The following TACR1 variants were observed in gnomAD, a reference collection of about 807,000 sequenced individuals.
TACR1 encodes tachykinin receptor 1.
TACR1 carries 25 observed loss-of-function variants against 35.8 expected under a neutral mutation model. The observed-to-expected ratio is 0.70, with a 90% CI of 0.51 to 0.98. The LOEUF (loss-of-function observed/expected upper bound fraction) is 0.98. TACR1 is among the 50% of genes least tolerant of loss of function. The probability of loss-of-function intolerance (pLI) is 0.00; values close to 1 mark genes in which losing one functional copy is unlikely to be tolerated. For missense variants in TACR1, 478 were observed against 522.9 expected (o/e 0.91, Z 0.84); for synonymous variants, 195 against 206.7 (o/e 0.94, Z 0.48).
chr2:75,111,876 G>A (rs1460517193), intron 2 of TACR1, among the ~76,000 whole-genome samples: 2 of 151,582 alleles, frequency 1.3e-5, no homozygotes, highest in East Asian at 3.9e-4. Flanking sequence ...GAGAGAGAGA[G>A]AAACCTTTTC....
At chr2:75,056,279 C>A (rs563175360) in intron 2 of TACR1, among the ~76,000 whole-genome samples, 1 of 152,314 alleles carries the variant, frequency 6.6e-6, no homozygotes, top group South Asian at 2.1e-4. Flanking sequence ...AAACAAACAA[C>A]TTTCCACTTG....
intron 1 of TACR1, chr2:75,188,413 C>T (rs1197730275): frequency 2.0e-5 from 3 of 152,188 alleles, no homozygotes; most frequent in African/African-American, 4.8e-5. Context: ...CAATTATATT[C>T]TATGATAGAG....
intron 1 of TACR1, among the ~76,000 whole-genome samples, chr2:75,123,393 G>A (rs1040146834): frequency 2.0e-5 from 3 of 152,138 alleles, no homozygotes; most frequent in Non-Finnish European, 4.4e-5. Context: ...CCCCATGCTC[G>A]AATTGGCGAT....
chr2:75,083,430 A>C (rs1673130920), intron 2 of TACR1, among the ~76,000 whole-genome samples: 2 of 152,170 alleles, frequency 1.3e-5, no homozygotes, highest in Non-Finnish European at 2.9e-5. Context: ...GTTCCATATG[A>C]ACTTTAGAGT....
At chr2:75,082,421 T>A (rs10202337) in intron 2 of TACR1, among the ~76,000 whole-genome samples, 1 of 152,316 alleles carries the variant, frequency 6.6e-6, no homozygotes, top group Middle Eastern at 3.4e-3. Flanking sequence ...ATGATTTATA[T>A]TCCTTTGGGT....
chr2:75,139,309 A>C (rs899226837), intron 1 of TACR1, among the ~76,000 whole-genome samples: 5 of 152,210 alleles, frequency 3.3e-5, no homozygotes, highest in Admixed American at 6.5e-5. Context: ...CTCAGGTCAC[A>C]CTGCTAGCAA....
At chr2:75,164,147 G>A (rs1248137359) in intron 1 of TACR1, among the ~76,000 whole-genome samples, 5 of 151,874 alleles carry the variant, frequency 3.3e-5, no homozygotes, top group African/African-American at 1.2e-4. Flanking sequence ...CTAACATGGT[G>A]AAACCCCGTC....
intron 1 of TACR1, among the ~76,000 whole-genome samples, chr2:75,179,985 T>C (rs1219348728): frequency 6.6e-6 from 1 of 152,188 alleles, no homozygotes; most frequent in Non-Finnish European, 1.5e-5. Context: ...CTACCCTGAC[T>C]CACTCCAATC....
Position 75,105,898 on chromosome 2 carries a change from C to CT in TACR1, c.584+14675dup, listed in dbSNP as rs1199975366. Among the ~76,000 whole-genome samples the CT allele has an allele frequency of 2.0e-5, 3 of 151,924 alleles. No individual in the cohort carries two copies. In the East Asian group the frequency reaches 5.8e-4, roughly 29 times the overall value. On this transcript the variant is annotated intron_variant, in intron 2 of 4. Transcript: ENST00000305249. ...TCACAAACAAGGGAAGTCTGAGAAA[C>CT]TGTCACAACCAAGAGGAGCCTAAAG...
chr2:75,174,206 T>G (rs995688901), intron 1 of TACR1, among the ~76,000 whole-genome samples: 1 of 152,214 alleles, frequency 6.6e-6, no homozygotes, highest in African/African-American at 2.4e-5. Context: ...TGAAGACTAT[T>G]CTGTATTGTT....
chr2:75,087,729 A>G (rs1174636675), intron 2 of TACR1, among the ~76,000 whole-genome samples: 1 of 152,176 alleles, frequency 6.6e-6, no homozygotes, highest in Non-Finnish European at 1.5e-5. Context: ...TGCCTTCTTA[A>G]TCACTTTTCC....
intron 2 of TACR1, among the ~76,000 whole-genome samples, chr2:75,116,203 C>T (rs1339199498): frequency 6.6e-6 from 1 of 152,136 alleles, no homozygotes; most frequent in Non-Finnish European, 1.5e-5. Context: ...CTCCCAGGCT[C>T]AAGTGATCCT....
intron 1 of TACR1, among the ~76,000 whole-genome samples, chr2:75,149,832 A>C (rs964543335): frequency 1.3e-5 from 2 of 152,118 alleles, no homozygotes; most frequent in Admixed American, 1.3e-4. Flanking sequence ...TTCAAAGGGA[A>C]TGTTTCCAGT....
intron 1 of TACR1, among the ~76,000 whole-genome samples, chr2:75,168,026 C>G (rs1446440436): frequency 6.6e-6 from 1 of 152,064 alleles, no homozygotes; most frequent in Non-Finnish European, 1.5e-5. Context: ...AGTAAATTCA[C>G]CAACATGTCA....
intron 2 of TACR1, among the ~76,000 whole-genome samples, chr2:75,083,588 C>T (rs1031740598): frequency 1.3e-5 from 2 of 152,048 alleles, no homozygotes; most frequent in Non-Finnish European, 2.9e-5. Flanking sequence ...TGTTTGTATC[C>T]TCTTTTATTT....
chr2:75,134,049 AG>A (rs1483924878), intron 1 of TACR1, among the ~76,000 whole-genome samples: 1 of 152,190 alleles, frequency 6.6e-6, no homozygotes, highest in East Asian at 1.9e-4. Flanking sequence ...TGGCAACATC[AG>A]GAAGTTACCC....
intron 2 of TACR1, among the ~76,000 whole-genome samples, chr2:75,081,406 T>C (rs1449153467): frequency 6.6e-6 from 1 of 152,184 alleles, no homozygotes; most frequent in Non-Finnish European, 1.5e-5. Flanking sequence ...CTCATTATGC[T>C]GTTAGACAGG....
At chr2:75,082,073 C>A (rs909341850) in intron 2 of TACR1, among the ~76,000 whole-genome samples, 2 of 151,980 alleles carry the variant, frequency 1.3e-5, no homozygotes, top group African/African-American at 4.8e-5. Flanking sequence ...CTCCCCACTC[C>A]CCGCACCCCA....
chr2:75,142,665 A>T (rs1337978691), intron 1 of TACR1, among the ~76,000 whole-genome samples: 1 of 152,172 alleles, frequency 6.6e-6, no homozygotes, highest in Non-Finnish European at 1.5e-5. Flanking sequence ...TGTGCTAACC[A>T]GAGGGGAGTG....
Sources: gnomAD v4.1 joint callset for allele counts (sites outside exome capture counted in the v4.1 genomes callset) on GRCh38, gnomAD v4.1.1 for gene constraint, MANE v1.5 for transcripts, NCBI Gene and HGNC (gene_info 2026-07-23, HGNC 2026-07-21) for gene names.